The following BRD7 variants were observed in gnomAD, a reference collection of about 807,000 sequenced individuals.
BRD7 encodes bromodomain containing 7, also known as bromodomain-containing protein 7.
BRD7 carries 15 observed loss-of-function variants against 82.1 expected under a neutral mutation model. The ratio of observed to expected loss-of-function variants is 0.18; its 90% CI spans 0.12 to 0.28. The LOEUF is 0.28. Among genes scored for constraint, BRD7 ranks in the 10% least tolerant of loss-of-function variants. BRD7 has a pLI of 1.00. For synonymous variants in BRD7, 232 were observed against 266.9 expected (o/e 0.87, Z 1.27); for missense variants, 638 against 779.9 (o/e 0.82, Z 2.17).
rs143187051 is a variant in BRD7 at position 50,320,749 on chromosome 16, C to A, written c.1526G>T (p.Arg509Leu). 12 of 1,614,050 alleles carry A rather than the reference C, an allele frequency of 7.4e-6. No homozygotes were observed. The South Asian group carries it at 1.1e-4, about 15-fold the overall frequency. ...CCTGTCTTGAGTACTGGAGTCCAAA[C>A]GCCCTGGTGGCTCTACTTCTGTAAT... is the stretch of plus-strand genomic sequence containing the variant. ...MEITEVEPPG[R>L]LDSSTQDRLI... The change falls in exon 14 of 17, where the codon CGT (arginine) becomes CTT (leucine). Residue 509 changes from arginine (R) to leucine (L), a missense_variant. Around this residue, in one of 3 missense-constraint regions of BRD7, gnomAD observed 402 missense variants for 500.8 expected, o/e 0.80. Transcript: ENST00000394688.
chr16:50,349,437 G>C (rs76923388), intron 5 of BRD7: 1 of 257,854 alleles, frequency 3.9e-6, no homozygotes, highest in African/African-American at 2.5e-5. Flanking sequence ...AAAAAAAAAA[G>C]AAAGTGTGTA....
At chr16:50,354,177 ATTACT>A (rs2038645775) in intron 4 of BRD7, among the ~76,000 whole-genome samples, 2 of 152,354 alleles carry the variant, frequency 1.3e-5, no homozygotes, top group South Asian at 2.1e-4. Flanking sequence ...AACATCAGAA[ATTACT>A]TTAGAGACAG....
chr16:50,328,644 A>G, intron 9 of BRD7, 25 bp downstream of exon 9: 1 of 1,597,852 alleles, frequency 6.3e-7, no homozygotes, highest in Non-Finnish European at 8.5e-7. Flanking sequence ...CATCAAGTTC[A>G]TGCACAGTTT....
intron 2 of BRD7, among the ~76,000 whole-genome samples, chr16:50,357,466 A>G (rs773933719): frequency 1.2e-4 from 19 of 152,218 alleles, no homozygotes; most frequent in Non-Finnish European, 1.8e-4. Flanking sequence ...AAAATTTTAA[A>G]TCCTTCGTCC....
At chr16:50,347,308 C>T (rs1597073841) in intron 5 of BRD7, among the ~76,000 whole-genome samples, 2 of 151,976 alleles carry the variant, frequency 1.3e-5, no homozygotes, top group Admixed American at 6.6e-5. Context: ...AATATCATAC[C>T]GAAAGGCAAA....
intron 2 of BRD7, among the ~76,000 whole-genome samples, chr16:50,357,033 T>C (rs948779043): frequency 6.6e-6 from 1 of 152,192 alleles, no homozygotes; most frequent in Non-Finnish European, 1.5e-5. Context: ...CAGGATTATT[T>C]AGGATTTTGC....
At position 50,320,365 on chromosome 16, in the gene BRD7, C is replaced by G. The variant is rs1350865015; in HGVS notation, c.1639G>C (p.Asp547His). Residue 547 changes from aspartate to histidine, a missense_variant, in exon 15 of 17, where the codon GAT becomes CAT. Asp to His is a moderately conservative substitution (Grantham distance 81, BLOSUM62 -1). Transcript: ENST00000394688. ...TCCCTGAGCAATCTGGTGGTCTCAT[C>G]AAGTTTCTTCTGGAATATTTCAGCT... ...EEAEIFQKKL[D>H]ETTRLLRELQ... 2.5e-6 allele frequency: 4 copies of G among 1,613,622 alleles called. No homozygotes were observed. Among genetic ancestry groups the G allele is most frequent in the South Asian group, 1.1e-5 (1 of 91,052 alleles).
intron 6 of BRD7, among the ~76,000 whole-genome samples, chr16:50,339,303 A>G (rs1263473573): frequency 6.6e-6 from 1 of 152,222 alleles, no homozygotes; most frequent in Non-Finnish European, 1.5e-5. Context: ...CTGTTAGGCA[A>G]TTTTGTTGTG....
In BRD7 at chr16:50,318,378, C is replaced by CTT. The variant is rs2036916933; in HGVS notation, c.*831_*832dup. 1 of 150,622 alleles carries CTT rather than the reference C, an allele frequency of 6.6e-6. No individual in the cohort carries two copies. The highest frequency in any genetic ancestry group is 6.7e-5 in the Admixed American group (1 of 14,980). 9.3% of individuals were successfully genotyped at this position (150,622 alleles called of 1,614,324 possible). ...GAAGGATTGTATAAGGGCCTTCAAACTTAATTTGTTCACTGAACAAGGCTA... is the reference window on the plus strand; with the variant it reads ...GAAGGATTGTATAAGGGCCTTCAAACTTTTAATTTGTTCACTGAACAAGGCTA... On this transcript the variant is annotated 3_prime_UTR_variant, in exon 17 of 17. Transcript: ENST00000394688.
At chr16:50,363,663 G>A (rs1164075911) in intron 2 of BRD7, among the ~76,000 whole-genome samples, 3 of 56,160 alleles carry the variant, frequency 5.3e-5, no homozygotes, top group South Asian at 5.1e-4. Context: ...GTGTGTGTGC[G>A]CGCGCGCGCG....
chr16:50,323,675 C>T lies in BRD7; in HGVS notation c.1355G>A (p.Cys452Tyr), dbSNP rs1020465735. Residue 452 changes from cysteine (C) to tyrosine (Y), a missense_variant, in exon 12 of 17, where the codon TGC becomes TAC. Transcript: ENST00000394688. Reference protein sequence around the residue: ...DFSIHEFLATCQDYPYVMADS... With the variant: ...DFSIHEFLATYQDYPYVMADS... ...TGCCATGACATACGGATAATCTTGG[C>T]ACGTGGCCAAAAACTCATGGATGCT... The T allele has an allele frequency of 6.8e-6, 11 of 1,613,772 alleles. No homozygotes were observed. Among genetic ancestry groups the T allele is most frequent in the South Asian group, 1.1e-5 (1 of 91,080 alleles).
chr16:50,365,175 G>A (rs1048499828), intron 2 of BRD7, among the ~76,000 whole-genome samples: 1 of 152,126 alleles, frequency 6.6e-6, no homozygotes, highest in Non-Finnish European at 1.5e-5. Context: ...GCCAAAATAA[G>A]GAGAAATGCC....
chr16:50,336,821 C>T (rs2037821683), intron 6 of BRD7, among the ~76,000 whole-genome samples: 1 of 152,112 alleles, frequency 6.6e-6, no homozygotes, highest in South Asian at 2.1e-4. Flanking sequence ...GAAACAAGTC[C>T]CAGGAAAGAG....
rs182491668 is a variant in BRD7, at chr16:50,319,275, A to G, written c.1901-9T>C. 2.3e-5 allele frequency: 37 copies of G among 1,611,962 alleles called. No individual in the cohort carries two copies. The Admixed American group carries it at 6.1e-4, about 26-fold the overall frequency. ...TTTAGGTTCTTCAGTGTCTGAAAGA[A>G]AAAGACATCACTTAATTCAACATTG... On this transcript the variant is annotated splice_polypyrimidine_tract_variant and intron_variant, in intron 16 of 16. Transcript: ENST00000394688.
rs759376498 is a variant in BRD7, at chr16:50,368,197, C to T, written c.151G>A (p.Asp51Asn). 8.1e-6 allele frequency: 13 copies of T among 1,614,062 alleles called. No individual in the cohort carries two copies. In the East Asian group the frequency reaches 1.8e-4, roughly 22 times the overall value. ...SSGHDSSLFE[D>N]KNDHDKHKDR... is the part of the protein sequence containing the mutation. ...TTGTGTTTGTCATGATCGTTTTTGTCTTCGAAGAGGCTGGAGTCGTGCCCC... is the reference window on the plus strand; with the variant it reads ...TTGTGTTTGTCATGATCGTTTTTGTTTTCGAAGAGGCTGGAGTCGTGCCCC... Residue 51 changes from aspartate to asparagine, a missense_variant, in exon 2 of 17, where the codon GAC becomes AAC. Transcript: ENST00000394688.
chr16:50,320,548 G>C (rs1212853152), intron 14 of BRD7, 115 bp downstream of exon 14: 2 of 1,397,670 alleles, frequency 1.4e-6, no homozygotes, highest in East Asian at 2.3e-5. Context: ...CATTTAACTT[G>C]GTAAGCCAAG....
In BRD7 at chr16:50,316,589, T is replaced by C. The variant is rs1266050883; in HGVS notation, c.*2622A>G. The C allele has an allele frequency of 6.6e-6, 1 of 152,336 alleles. No individual in the cohort carries two copies. The highest frequency in any genetic ancestry group is 2.4e-5 in the African/African-American group (1 of 41,434). 9.4% of individuals were successfully genotyped at this position (152,336 alleles called of 1,614,324 possible). On this transcript the variant is annotated 3_prime_UTR_variant, in exon 17 of 17. Coordinates refer to ENST00000394688, the MANE Select transcript of BRD7 (RefSeq NM_013263.5). ...GAAGGATCTACTCCGCATGGGTGCATGCAGAGGCTCCTGGATCTGGGAAGC... is the reference window on the plus strand; with the variant it reads ...GAAGGATCTACTCCGCATGGGTGCACGCAGAGGCTCCTGGATCTGGGAAGC...
At chr16:50,355,538 C>T (rs1294874932) in intron 2 of BRD7, among the ~76,000 whole-genome samples, 3 of 152,106 alleles carry the variant, frequency 2.0e-5, no homozygotes, top group Non-Finnish European at 4.4e-5. Context: ...AGATCAGAGC[C>T]CAGAAACAGA....
intron 9 of BRD7, among the ~76,000 whole-genome samples, chr16:50,326,682 A>G (rs1288349690): frequency 1.3e-5 from 2 of 152,228 alleles, no homozygotes; most frequent in African/African-American, 2.4e-5. Flanking sequence ...AAAAGCCACA[A>G]AAACTTTTAA....
Sources: gnomAD v4.1 joint callset for allele counts (sites outside exome capture counted in the v4.1 genomes callset) on GRCh38, gnomAD v4.1.1 for gene constraint, gnomAD v4.1.1 regional missense constraint, MANE v1.5 for transcripts, NCBI Gene and HGNC (gene_info 2026-07-23, HGNC 2026-07-21) for gene names.